The following CACNA1S variants were observed in gnomAD, a reference collection of about 807,000 sequenced individuals.
CACNA1S encodes the protein voltage-dependent L-type calcium channel subunit alpha-1S.
In CACNA1S, 126 loss-of-function variants were observed where a neutral mutation model predicts 207.4. The ratio of observed to expected loss-of-function variants is 0.61; its 90% CI spans 0.53 to 0.70. The LOEUF (loss-of-function observed/expected upper bound fraction) is 0.70. Ranked by LOEUF, CACNA1S falls within the 30% of genes least tolerant of loss-of-function variation. The pLI, the probability that CACNA1S is intolerant of heterozygous loss-of-function variation, is 0.00. For synonymous variants in CACNA1S, 960 were observed against 932.7 expected, an observed-to-expected ratio of 1.03 and a Z score of -0.53; for missense variants, 2,349 against 2,422.8, an observed-to-expected ratio of 0.97 and a Z score of 0.64.
Position 201,056,638 on chromosome 1 carries a change from TG to T in CACNA1S, c.3609+1769del, listed in dbSNP as rs752508564. Among the ~76,000 whole-genome samples the T allele has an allele frequency of 3.9e-5, 6 of 152,322 alleles. No homozygotes were observed. The East Asian group carries it at 9.6e-4, about 24-fold the overall frequency. On this transcript the variant is annotated intron_variant, in intron 28 of 43. Transcript: ENST00000362061. The stretch of plus-strand genomic sequence containing the variant: ...ACTGTGTCCCTCCCAGGATGCCACT[TG>T]GGCAACTGTTTTTTGATTTTGGCCT...
intron 28 of CACNA1S, among the ~76,000 whole-genome samples, chr1:201,056,653 T>G (rs1326059577): frequency 2.0e-5 from 3 of 152,248 alleles, no homozygotes; most frequent in Admixed American, 2.0e-4. Context: ...AACTGTTTTT[T>G]GATTTTGGCC....
intron 3 of CACNA1S, among the ~76,000 whole-genome samples, chr1:201,093,068 C>G (rs902396392): frequency 2.0e-5 from 3 of 152,200 alleles, no homozygotes; most frequent in African/African-American, 7.2e-5. Flanking sequence ...ATATTAAGTG[C>G]TTGATAAATG....
At chr1:201,087,119 T>C (rs1662061001) in intron 7 of CACNA1S, among the ~76,000 whole-genome samples, 1 of 152,172 alleles carries the variant, frequency 6.6e-6, no homozygotes. Flanking sequence ...ACAGCAGGAC[T>C]GGTCTCAAAG....
rs757730780 is a variant in CACNA1S, at chr1:201,062,090, C to T, written c.2907G>A (p.Arg969=). ...CGTCCTTGTACACGTAGTAGTAGCC[C>T]CTGTGGCAGGGAGGCCCAGTCACTC... ...DLSKMTEEEC[R]GYYYVYKDGD... The change falls in exon 24 of 44, where the codon AGG becomes AGA. Residue 969 remains arginine, a splice_region_variant and synonymous_variant. Transcript: ENST00000362061. 1.2e-6 allele frequency: 2 copies of T among 1,613,564 alleles called. No homozygotes were observed. Among genetic ancestry groups the T allele is most frequent in the South Asian group, 1.1e-5 (1 of 90,934 alleles).
chr1:201,067,061 G>C, intron 19 of CACNA1S, 68 bp from the exon 20 acceptor site: 1 of 1,043,464 alleles, frequency 9.6e-7, no homozygotes, highest in Non-Finnish European at 1.5e-6. Flanking sequence ...CACAGACAAG[G>C]GCTTCTCGCC....
Position 201,053,421 on chromosome 1 carries a change from T to G in CACNA1S, c.3795+38A>C, listed in dbSNP as rs760397865. 4 of 1,613,988 alleles carry G rather than the reference T, an allele frequency of 2.5e-6. No individual in the cohort carries two copies. Among genetic ancestry groups the G allele is most frequent in the Non-Finnish European group, 3.4e-6 (4 of 1,179,960 alleles). On this transcript the variant is annotated intron_variant, in intron 30 of 43. Transcript: ENST00000362061. The surrounding 1 kb of genome is among the most constrained non-coding windows in gnomAD (Gnocchi z 5.1). ...GCTGAGGCAGATGTCCCTAGTGGCC[T>G]CCCCAGGTACGTGCAGTTTCCAGGG...
chr1:201,047,466 G>C, intron 37 of CACNA1S, 59 bp downstream of exon 37: 1 of 1,441,264 alleles, frequency 6.9e-7, no homozygotes, highest in Non-Finnish European at 9.8e-7. Flanking sequence ...CCTTGGAGAA[G>C]CTCCCCACTC....
chr1:201,042,259 C>T (rs989752743), intron 40 of CACNA1S, among the ~76,000 whole-genome samples: 7 of 152,198 alleles, frequency 4.6e-5, no homozygotes, highest in East Asian at 1.9e-4. Flanking sequence ...CTCAGCCTCC[C>T]GAGTAGCTGA....
In CACNA1S at chr1:201,047,539, A is replaced by G; in HGVS notation, c.4529T>C (p.Ile1510Thr). ...RTSMKLLDQVIPPIGDDEVTV... is the reference protein window; with the variant it reads ...RTSMKLLDQVTPPIGDDEVTV... ...GTAGCACCTACCTCCTATTGGAGGGATGACCTGGTCCAAGAGCTTCATGCT... is the reference window on the plus strand; with the variant it reads ...GTAGCACCTACCTCCTATTGGAGGGGTGACCTGGTCCAAGAGCTTCATGCT... The change falls in exon 37 of 44, where the codon ATC becomes ACC. Residue 1510 changes from isoleucine to threonine, a missense_variant. Physicochemically the swap from Ile to Thr is moderately conservative, Grantham distance 89 (BLOSUM62 -1). Transcript: ENST00000362061. 1 of 1,613,724 alleles carries G rather than the reference A, an allele frequency of 6.2e-7. No individual in the cohort carries two copies. Among genetic ancestry groups the G allele is most frequent in the Non-Finnish European group, 8.5e-7 (1 of 1,179,604 alleles).
rs141121482 is a variant in CACNA1S, at chr1:201,106,308, C to T, written c.258+3856G>A. Among the ~76,000 whole-genome samples, 1,035 of 152,318 alleles carry T rather than the reference C, an allele frequency of 6.8e-3. 10 individuals carry two copies. Among genetic ancestry groups the T allele is most frequent in the Middle Eastern group, 0.054 (16 of 294 alleles). ...ATGACTTCCCTGGGCTCCCTGCCCCCTTCCCTGCTTCCCATCTCACCCCAC... is the reference window on the plus strand; with the variant it reads ...ATGACTTCCCTGGGCTCCCTGCCCCTTTCCCTGCTTCCCATCTCACCCCAC... On this transcript the variant is annotated intron_variant, in intron 2 of 43. Transcript: ENST00000362061.
chr1:201,041,434 A>T, intron 41 of CACNA1S, 70 bp downstream of exon 41: 2 of 1,224,946 alleles, frequency 1.6e-6, no homozygotes, highest in South Asian at 2.5e-5. Flanking sequence ...AGACTCTAAG[A>T]AAAGAGTGGG....
intron 10 of CACNA1S, among the ~76,000 whole-genome samples, chr1:201,079,763 A>G (rs1661775039): frequency 1.3e-5 from 2 of 152,138 alleles, no homozygotes; most frequent in Admixed American, 6.5e-5. Context: ...ACCCTTATCT[A>G]AAGTCCATGC....
Position 201,066,914 on chromosome 1 carries a change from G to A in CACNA1S, c.2630C>T (p.Ala877Val), listed in dbSNP as rs200646947. The A allele has an allele frequency of 3.5e-5, 57 of 1,613,948 alleles. No individual in the cohort carries two copies. Among genetic ancestry groups the A allele is most frequent in the Admixed American group, 8.3e-5 (5 of 60,008 alleles). Reference protein sequence around the residue: ...YFNMLDLLVVAVSLISMGLES... With the variant: ...YFNMLDLLVVVVSLISMGLES... ...AAGTCCCATGGAGATGAGGGACACG[G>A]CCACCACCAGCAGGTCCAGCATGTT... Residue 877 changes from alanine to valine, a missense_variant, in exon 20 of 44, where the codon GCC becomes GTC. Ala to Val is a moderately conservative substitution (Grantham distance 64). Coordinates refer to ENST00000362061, the MANE Select transcript of CACNA1S (RefSeq NM_000069.3). The surrounding 1 kb of genome is among the most constrained non-coding windows in gnomAD (Gnocchi z 4.3).
intron 2 of CACNA1S, among the ~76,000 whole-genome samples, chr1:201,103,015 A>G (rs1662736819): frequency 6.6e-6 from 1 of 152,158 alleles, no homozygotes; most frequent in Non-Finnish European, 1.5e-5. Context: ...ACTCATGGAT[A>G]TAACAGTCCT....
chr1:201,062,173 A>C (rs1661074646), intron 23 of CACNA1S, 83 bp from the exon 24 acceptor site: 1 of 1,525,872 alleles, frequency 6.6e-7, no homozygotes, highest in South Asian at 1.2e-5. Context: ...CTGGGTGGGG[A>C]GTGTGAAGGA....
Position 201,057,773 on chromosome 1 carries a change from G to A in CACNA1S, c.3609+635C>T, listed in dbSNP as rs545193827. The stretch of plus-strand genomic sequence containing the variant: ...GCCCAGGACTTGGAGACCAGCCTGG[G>A]CAACACGAGGAGACTCCATCTCTAT... On this transcript the variant is annotated intron_variant, in intron 28 of 43. Coordinates refer to ENST00000362061, the MANE Select transcript of CACNA1S (RefSeq NM_000069.3). Among the ~76,000 whole-genome samples the A allele has an allele frequency of 4.6e-5, 7 of 152,122 alleles. No homozygotes were observed. The South Asian group carries it at 1.5e-3, about 32-fold the overall frequency.
chr1:201,050,688 G>A (rs570225349), intron 33 of CACNA1S, among the ~76,000 whole-genome samples, 172 bp from the exon 34 acceptor site: 2 of 152,102 alleles, frequency 1.3e-5, no homozygotes, highest in East Asian at 3.9e-4. Context: ...TCATGTCTCT[G>A]TGCTCTTGCA....
At chr1:201,047,436 T>A (rs912566415) in intron 37 of CACNA1S, 89 bp downstream of exon 37, 3 of 1,309,192 alleles carry the variant, frequency 2.3e-6, no homozygotes, top group Non-Finnish European at 3.3e-6. Context: ...TCTGGTCCGT[T>A]CTCAGATTCC....
At position 201,083,272 on chromosome 1, in the gene CACNA1S, A is replaced by G; in HGVS notation, c.1283T>C (p.Ile428Thr). 6.2e-7 allele frequency: 1 copy of G among 1,614,222 alleles called. No individual in the cohort carries two copies. Among genetic ancestry groups the G allele is most frequent in the Non-Finnish European group, 8.5e-7 (1 of 1,180,030 alleles). The part of the protein sequence containing the change: ...NRIFRWKCHD[I>T]VKSKVFYWLV... ...CCAATAGAAGACCTTGGACTTCACG[A>G]TGTCATGGCACTTCCAGCGAAAGAT... The change falls in exon 10 of 44, where the codon ATC (isoleucine) becomes ACC (threonine). Residue 428 changes from isoleucine to threonine, a missense_variant. Coordinates refer to ENST00000362061, the MANE Select transcript of CACNA1S (RefSeq NM_000069.3).
Sources: gnomAD v4.1 joint callset for allele counts (sites outside exome capture counted in the v4.1 genomes callset) on GRCh38, gnomAD v4.1.1 for gene constraint, Gnocchi (gnomAD v3.1) non-coding constraint, MANE v1.5 for transcripts, NCBI Gene and HGNC (gene_info 2026-07-23, HGNC 2026-07-21) for gene names.